Variants in MTFMT observed in about 807,000 individuals in gnomAD.
The protein encoded by MTFMT is mitochondrial methionyl-tRNA formyltransferase.
A neutral mutation model predicts 51.8 loss-of-function variants in MTFMT; 47 were observed. The ratio of observed to expected loss-of-function variants is 0.91; its 90% CI spans 0.72 to 1.16. MTFMT has a LOEUF of 1.16. Ranked by LOEUF, MTFMT falls within the 50% of genes most tolerant of loss-of-function variation. MTFMT has a pLI of 0.00. For synonymous variants in MTFMT, 196 were observed against 176.7 expected, an observed-to-expected ratio of 1.11 and a Z score of -0.87; for missense variants, 512 against 482.3, an observed-to-expected ratio of 1.06 and a Z score of -0.58.
intron 4 of MTFMT, among the ~76,000 whole-genome samples, chr15:65,021,038 G>A (rs1009978463): frequency 2.0e-5 from 3 of 152,174 alleles, no homozygotes; most frequent in Non-Finnish European, 4.4e-5. Flanking sequence ...CTCTACTCAT[G>A]CAGTTTCAAT....
chr15:65,020,321 A>T, intron 4 of MTFMT, 49 bp from the exon 5 acceptor site: 1 of 1,488,426 alleles, frequency 6.7e-7, no homozygotes, highest in Non-Finnish European at 9.3e-7. Flanking sequence ...GAAGGGAAGA[A>T]CAAAAGCAGA....
chr15:65,016,590 T>C, intron 5 of MTFMT, 63 bp from the exon 6 acceptor site: 2 of 1,086,702 alleles, frequency 1.8e-6, no homozygotes, highest in Non-Finnish European at 2.8e-6. Context: ...TTGACAGCTA[T>C]TGATACTGAA....
intron 6 of MTFMT, among the ~76,000 whole-genome samples, chr15:65,011,863 C>T (rs1002091721): frequency 1.3e-5 from 2 of 151,894 alleles, no homozygotes; most frequent in African/African-American, 4.8e-5. Context: ...TGATGAAGTC[C>T]AATTTCTCTA....
intron 6 of MTFMT, among the ~76,000 whole-genome samples, chr15:65,009,300 C>T (rs1033472767): frequency 1.6e-4 from 24 of 152,128 alleles, no homozygotes; most frequent in Admixed American, 1.3e-4. Context: ...AGCTACTGGC[C>T]TAAATTGCAT....
At chr15:65,014,026 C>T (rs916711888) in intron 6 of MTFMT, among the ~76,000 whole-genome samples, 4 of 151,500 alleles carry the variant, frequency 2.6e-5, no homozygotes, top group African/African-American at 7.3e-5. Flanking sequence ...TTATATGTTG[C>T]TGGATTCAGT....
intron 1 of MTFMT, among the ~76,000 whole-genome samples, chr15:65,028,384 C>G (rs1314562233): frequency 6.6e-6 from 1 of 152,180 alleles, no homozygotes; most frequent in African/African-American, 2.4e-5. Context: ...CACTGCACTC[C>G]AGCCTGGGGG....
chr15:65,024,727 A>C (rs1237367088), intron 2 of MTFMT, among the ~76,000 whole-genome samples: 1 of 152,182 alleles, frequency 6.6e-6, no homozygotes, highest in Non-Finnish European at 1.5e-5. Flanking sequence ...GAGTTTATGT[A>C]CAAAAAGTGG....
At chr15:65,027,561 GCTA>G (rs2086436662) in intron 1 of MTFMT, among the ~76,000 whole-genome samples, 1 of 152,130 alleles carries the variant, frequency 6.6e-6, no homozygotes, top group African/African-American at 2.4e-5. Context: ...GTGGCTAGTG[GCTA>G]CTGTTTGAAC....
chr15:65,004,606 G>T (rs2086206803), intron 8 of MTFMT, among the ~76,000 whole-genome samples: 1 of 152,050 alleles, frequency 6.6e-6, no homozygotes, highest in Non-Finnish European at 1.5e-5. Context: ...GAAAATACAC[G>T]TGTTCTTTTA....
intron 1 of MTFMT, among the ~76,000 whole-genome samples, 157 bp from the exon 2 acceptor site, chr15:65,027,197 TTTTTC>T (rs1325493602): frequency 2.8e-4 from 43 of 151,822 alleles, no homozygotes; most frequent in African/African-American, 1.0e-3. Context: ...TCATTTTTTC[TTTTTC>T]TTTTTTTTTT....
In MTFMT at chr15:65,024,575, T is replaced by C. The variant is rs185117768; in HGVS notation, c.420-781A>G. Reference sequence around the variant, plus strand: ...CTGTTGCCCAGGCTGGATGGCTCACTGCAGCCTCAACCTCCCAAGCTCAGG... The same window carrying C: ...CTGTTGCCCAGGCTGGATGGCTCACCGCAGCCTCAACCTCCCAAGCTCAGG... On this transcript the variant is annotated intron_variant, in intron 2 of 8. Transcript: ENST00000220058. 3.3e-4 allele frequency among the ~76,000 whole-genome samples: 50 copies of C among 152,038 alleles called. 1 individual carries two copies. Among genetic ancestry groups the C allele is most frequent in the Middle Eastern group, 6.8e-3 (2 of 294 alleles).
chr15:65,027,190 TTTTTTC>T, intron 1 of MTFMT, 150 bp from the exon 2 acceptor site: 1 of 652,050 alleles, frequency 1.5e-6, no homozygotes, highest in Non-Finnish European at 2.6e-6. Flanking sequence ...TGAGTTTTCA[TTTTTTC>T]TTTTTCTTTT....
Position 65,002,976 on chromosome 15 carries a change from A to AAG in MTFMT, c.*85_*86insCT. 1 of 978,626 alleles carries AAG rather than the reference A, an allele frequency of 1.0e-6. No individual in the cohort carries two copies. Among genetic ancestry groups the AAG allele is most frequent in the Non-Finnish European group, 1.4e-6 (1 of 723,964 alleles). The allele number at this position is 978,626 out of a possible 1,614,324, so 60.6% of individuals were successfully genotyped here. A position where few individuals can be genotyped will look rare whatever the true frequency, so the allele number is the denominator to read the frequency against. ...AGACTCTGTCTCAAAAAAAAAAAAA[A>AAG]AAAAAAAAGTCCAGATAATTCCTTG... On this transcript the variant is annotated 3_prime_UTR_variant, in exon 9 of 9. Coordinates refer to ENST00000220058, the MANE Select transcript of MTFMT (RefSeq NM_139242.4).
intron 4 of MTFMT, among the ~76,000 whole-genome samples, chr15:65,021,260 C>A (rs896590783): frequency 6.6e-6 from 1 of 152,192 alleles, no homozygotes; most frequent in Non-Finnish European, 1.5e-5. Flanking sequence ...TCTAAGACCT[C>A]ACTATGGCAT....
intron 5 of MTFMT, 24 bp from the exon 6 acceptor site, chr15:65,016,551 A>T: frequency 6.7e-7 from 1 of 1,493,592 alleles, no homozygotes; most frequent in Non-Finnish European, 9.3e-7. Flanking sequence ...CCAAGAGCAA[A>T]AATGAACATC....
intron 7 of MTFMT, among the ~76,000 whole-genome samples, chr15:65,005,426 G>A (rs1441013419): frequency 6.6e-6 from 1 of 152,130 alleles, no homozygotes; most frequent in East Asian, 1.9e-4. Context: ...CTTGTGGCAT[G>A]AAGTATGAAT....
intron 2 of MTFMT, chr15:65,026,360 C>T (rs2086424408): frequency 4.7e-6 from 1 of 211,164 alleles, no homozygotes; most frequent in Non-Finnish European, 1.0e-5. Flanking sequence ...TGTAAATTTT[C>T]CTTCGAATAC....
intron 5 of MTFMT, among the ~76,000 whole-genome samples, chr15:65,019,378 A>G (rs191927913): frequency 1.3e-5 from 2 of 152,218 alleles, no homozygotes; most frequent in Admixed American, 1.3e-4. Flanking sequence ...ATAAAGAAAA[A>G]TAAAAAGTAA....
intron 6 of MTFMT, among the ~76,000 whole-genome samples, chr15:65,013,474 G>C (rs1252915189): frequency 6.6e-6 from 1 of 151,944 alleles, no homozygotes; most frequent in East Asian, 1.9e-4. Context: ...ATCAAGTTGA[G>C]GAAATGCTCT....
Sources: allele counts gnomAD v4.1 joint callset (sites outside exome capture counted in the v4.1 genomes callset), GRCh38; gene constraint gnomAD v4.1.1; transcripts MANE v1.5; gene names NCBI Gene and HGNC (gene_info 2026-07-23, HGNC 2026-07-21).